Variants in ERC1 observed in about 807,000 individuals in gnomAD.
ERC1 encodes the protein RAB6 interacting protein 2.
In ERC1, 56 loss-of-function variants were observed where a neutral mutation model predicts 132.0. The observed-to-expected ratio is 0.42, with a 90% CI of 0.34 to 0.53. The LOEUF is 0.53. Ranked by LOEUF, ERC1 falls within the 20% of genes least tolerant of loss-of-function variation. The pLI is 0.03. For synonymous variants in ERC1, 478 were observed against 476.1 expected (o/e 1.00, Z -0.05); for missense variants, 1,202 against 1,349.9 (o/e 0.89, Z 1.72).
intron 7 of ERC1, 93 bp downstream of exon 7, chr12:1,116,126 A>G (rs1013952548): frequency 6.7e-6 from 7 of 1,045,306 alleles, no homozygotes; most frequent in Non-Finnish European, 9.8e-6. Context: ...TAGAATTGGG[A>G]AATATGAGTA....
At chr12:1,066,363 A>G (rs1369396173) in intron 2 of ERC1, among the ~76,000 whole-genome samples, 2 of 152,250 alleles carry the variant, frequency 1.3e-5, no homozygotes, top group Non-Finnish European at 2.9e-5. Context: ...CTATATTAGT[A>G]GTTTAAAATA....
intron 16 of ERC1, among the ~76,000 whole-genome samples, chr12:1,398,858 C>T (rs1435054448): frequency 6.7e-6 from 1 of 149,014 alleles, no homozygotes; most frequent in Non-Finnish European, 1.5e-5. Context: ...TATTCATTTA[C>T]TCATTTGTTT....
intron 17 of ERC1, among the ~76,000 whole-genome samples, chr12:1,440,145 T>A (rs1288883470): frequency 6.6e-6 from 1 of 152,118 alleles, no homozygotes; most frequent in Non-Finnish European, 1.5e-5. Flanking sequence ...AATGAGTTTT[T>A]ATCCCGGATA....
intron 15 of ERC1, among the ~76,000 whole-genome samples, chr12:1,368,333 T>C (rs2086858360): frequency 6.6e-6 from 1 of 152,226 alleles, no homozygotes; most frequent in Non-Finnish European, 1.5e-5. Context: ...CTTTATACTT[T>C]TCTGTATCTT....
intron 7 of ERC1, among the ~76,000 whole-genome samples, chr12:1,117,730 G>A (rs1359250992): frequency 6.6e-6 from 1 of 152,110 alleles, no homozygotes; most frequent in Non-Finnish European, 1.5e-5. Context: ...TTGTACATTC[G>A]TCATTGTTAT....
chr12:1,324,639 A>G lies in ERC1; in HGVS notation c.2780+34627A>G, dbSNP rs139984037. On this transcript the variant is annotated intron_variant, in intron 15 of 18. Coordinates refer to ENST00000360905, the MANE Select transcript of ERC1 (RefSeq NM_178040.4). ...CTTCTTTCCATTAAAATTATTATCC[A>G]ATACATATGGTATGACAGATTAGAC... Among the ~76,000 whole-genome samples, 428 of 152,292 alleles carry G rather than the reference A, an allele frequency of 2.8e-3. 1 individual carries two copies. Among genetic ancestry groups the G allele is most frequent in the African/African-American group, 9.4e-3 (392 of 41,566 alleles).
chr12:1,340,820 C>T (rs1041612540), intron 15 of ERC1, among the ~76,000 whole-genome samples: 7 of 151,948 alleles, frequency 4.6e-5, no homozygotes, highest in African/African-American at 7.2e-5. Flanking sequence ...GGCTCGTTTC[C>T]AATTCCTGGG....
At chr12:1,294,928 A>C (rs1289651809) in intron 15 of ERC1, among the ~76,000 whole-genome samples, 1 of 152,210 alleles carries the variant, frequency 6.6e-6, no homozygotes, top group Non-Finnish European at 1.5e-5. Context: ...TGGATGTCAA[A>C]GATAGTAATC....
chr12:1,208,877 G>A (rs1187963335), intron 12 of ERC1, among the ~76,000 whole-genome samples: 1 of 151,060 alleles, frequency 6.6e-6, no homozygotes, highest in African/African-American at 2.4e-5. Flanking sequence ...AGCAACCTCC[G>A]CCTCTCGGGT....
intron 16 of ERC1, among the ~76,000 whole-genome samples, chr12:1,387,868 G>A (rs373180632): frequency 2.6e-5 from 4 of 152,322 alleles, no homozygotes; most frequent in South Asian, 2.1e-4. Flanking sequence ...ACAGCTTCTC[G>A]AGTCCTTCAT....
intron 18 of ERC1, among the ~76,000 whole-genome samples, chr12:1,457,618 T>C (rs1229111617): frequency 1.3e-5 from 2 of 152,148 alleles, no homozygotes; most frequent in Non-Finnish European, 2.9e-5. Flanking sequence ...GTCTCAACCA[T>C]TTTTTTATAC....
chr12:1,162,175 G>A (rs1232524936), intron 8 of ERC1, among the ~76,000 whole-genome samples: 2 of 152,320 alleles, frequency 1.3e-5, no homozygotes, highest in South Asian at 2.1e-4. Context: ...ATGGCCAAGC[G>A]TGCTGTACAA....
At chr12:1,439,570 C>T (rs1464109483) in intron 17 of ERC1, among the ~76,000 whole-genome samples, 4 of 152,206 alleles carry the variant, frequency 2.6e-5, no homozygotes, top group Middle Eastern at 3.4e-3. Flanking sequence ...GCCATAATGA[C>T]GTTTTGGCAT....
intron 15 of ERC1, 58 bp downstream of exon 15, chr12:1,290,070 C>G: frequency 6.9e-7 from 1 of 1,442,506 alleles, no homozygotes; most frequent in Non-Finnish European, 9.7e-7. Context: ...CTTTTTCTCC[C>G]TGCATTCATC....
intron 17 of ERC1, among the ~76,000 whole-genome samples, chr12:1,434,595 C>T (rs1313336170): frequency 6.6e-6 from 1 of 152,146 alleles, no homozygotes; most frequent in Non-Finnish European, 1.5e-5. Context: ...AGTGGGGCTG[C>T]CCCCCTTTGC....
At chr12:1,354,150 C>T (rs58591108) in intron 15 of ERC1, among the ~76,000 whole-genome samples, 9,986 of 151,874 alleles carry the variant, frequency 0.066, 593 homozygotes, top group African/African-American at 0.15. Context: ...AGTCTTTAAT[C>T]GGGTCCTGAT....
At chr12:1,155,314 CAAAAAAAAAAA>C (rs151006544) in intron 8 of ERC1, among the ~76,000 whole-genome samples, 3 of 55,094 alleles carry the variant, frequency 5.4e-5, no homozygotes, top group South Asian at 8.4e-4. Flanking sequence ...GACTTCATCT[CAAAAAAAAAAA>C]AAAAAAAAAA....
chr12:1,480,161 A>G (rs10848479), intron 18 of ERC1, among the ~76,000 whole-genome samples: 67,337 of 151,074 alleles, frequency 0.45, 17,386 homozygotes, highest in African/African-American at 0.72. Context: ...TAGTAGAAAT[A>G]CTATATATGG....
chr12:1,054,199 A>G lies in ERC1; in HGVS notation c.669+25627A>G, dbSNP rs114798015. On this transcript the variant is annotated intron_variant, in intron 2 of 18. Transcript: ENST00000360905. ...AAATCATGTATTCAAAGTTTGTACT[A>G]TCACAATTCTGGATTCATGAGGATT... is the stretch of plus-strand genomic sequence containing the variant. Among the ~76,000 whole-genome samples, 1,019 of 152,308 alleles carry G rather than the reference A, an allele frequency of 6.7e-3. 11 individuals are homozygous for G. Among genetic ancestry groups the G allele is most frequent in the African/African-American group, 0.02 (827 of 41,564 alleles).
Sources: gnomAD v4.1 joint callset for allele counts (sites outside exome capture counted in the v4.1 genomes callset) on GRCh38, gnomAD v4.1.1 for gene constraint, MANE v1.5 for transcripts, NCBI Gene and HGNC (gene_info 2026-07-23, HGNC 2026-07-21) for gene names.